Variants in MACROD2 observed in about 807,000 individuals in gnomAD.
MACROD2 encodes the protein ADP-ribose glycohydrolase MACROD2.
Under a neutral mutation model 70.4 loss-of-function variants are expected in MACROD2, and 36 were observed. The ratio of observed to expected loss-of-function variants is 0.51; its 90% CI spans 0.39 to 0.68. The LOEUF is 0.68. MACROD2 is among the 30% of genes least tolerant of loss of function. MACROD2 has a pLI of 0.00. For missense variants in MACROD2, 496 were observed against 538.4 expected, an observed-to-expected ratio of 0.92 and a Z score of 0.78; for synonymous variants, 172 against 178.8, an observed-to-expected ratio of 0.96 and a Z score of 0.30.
chr20:15,912,081 C>T (rs1477692532), intron 10 of MACROD2, among the ~76,000 whole-genome samples: 2 of 152,200 alleles, frequency 1.3e-5, no homozygotes, highest in Admixed American at 6.5e-5. Flanking sequence ...TGTTTCCAAG[C>T]TGTTTTGACA....
At chr20:15,391,463 G>A (rs1431476962) in intron 6 of MACROD2, among the ~76,000 whole-genome samples, 1 of 152,154 alleles carries the variant, frequency 6.6e-6, no homozygotes, top group Non-Finnish European at 1.5e-5. Context: ...ACATAGACCA[G>A]GTCTCCAGTG....
intron 6 of MACROD2, among the ~76,000 whole-genome samples, chr20:15,345,334 T>C (rs1240122329): frequency 6.6e-6 from 1 of 152,230 alleles, no homozygotes; most frequent in Non-Finnish European, 1.5e-5. Context: ...TAGGTTCTTG[T>C]ATTTATCAGT....
intron 5 of MACROD2, among the ~76,000 whole-genome samples, chr20:15,151,334 G>A (rs1248461895): frequency 6.6e-6 from 1 of 152,112 alleles, no homozygotes; most frequent in Non-Finnish European, 1.5e-5. Context: ...ATGCCTGGCT[G>A]CTGCGGTTCA....
At chr20:14,588,784 A>C (rs1981559227) in intron 4 of MACROD2, among the ~76,000 whole-genome samples, 1 of 152,208 alleles carries the variant, frequency 6.6e-6, no homozygotes. Context: ...TATCTACGTT[A>C]CATGATAAAC....
intron 3 of MACROD2, among the ~76,000 whole-genome samples, chr20:14,331,589 G>A (rs551929117): frequency 6.6e-5 from 10 of 152,068 alleles, no homozygotes; most frequent in Non-Finnish European, 1.0e-4. Flanking sequence ...TGAAGATTAC[G>A]TTCAGAGCTA....
chr20:14,134,643 A>G (rs989489681), intron 3 of MACROD2, among the ~76,000 whole-genome samples: 1 of 152,028 alleles, frequency 6.6e-6, no homozygotes, highest in East Asian at 1.9e-4. Context: ...TGTCTCTACT[A>G]AAAATACAAA....
intron 7 of MACROD2, among the ~76,000 whole-genome samples, chr20:15,445,857 T>C (rs6034194): frequency 0.47 from 71,069 of 151,830 alleles, 17,099 homozygotes; most frequent in African/African-American, 0.59. Flanking sequence ...AAGACCAATG[T>C]GTTGTCCAGC....
intron 3 of MACROD2, among the ~76,000 whole-genome samples, chr20:14,380,719 T>C (rs545898569): frequency 6.6e-6 from 1 of 152,258 alleles, no homozygotes; most frequent in East Asian, 1.9e-4. Context: ...TGACCATAGA[T>C]GTGTAGGTTT....
At chr20:15,272,979 A>G (rs2077358783) in intron 6 of MACROD2, among the ~76,000 whole-genome samples, 1 of 152,158 alleles carries the variant, frequency 6.6e-6, no homozygotes. Flanking sequence ...CTTGACCATG[A>G]CATCTCTTAA....
rs559412274 is a variant in MACROD2, at chr20:14,400,784, G to A, written c.272-92695G>A. 4.6e-5 allele frequency among the ~76,000 whole-genome samples: 7 copies of A among 152,196 alleles called. No homozygotes were observed. In the South Asian group the frequency reaches 6.2e-4, roughly 14 times the overall value. On this transcript the variant is annotated intron_variant, in intron 3 of 17. Transcript: ENST00000684519. Reference sequence around the variant, plus strand: ...TATATGTTGTCTTATATTTTTAGATGCTTCAGACTGGAGTGTATATCTGGT... The same window carrying A: ...TATATGTTGTCTTATATTTTTAGATACTTCAGACTGGAGTGTATATCTGGT...
At chr20:15,289,222 A>G (rs1311541245) in intron 6 of MACROD2, among the ~76,000 whole-genome samples, 1 of 152,232 alleles carries the variant, frequency 6.6e-6, no homozygotes, top group African/African-American at 2.4e-5. Flanking sequence ...CTTGGCATTC[A>G]TTCACTCATT....
chr20:14,938,533 C>T (rs56699066), intron 5 of MACROD2, among the ~76,000 whole-genome samples: 4,007 of 152,144 alleles, frequency 0.026, 183 homozygotes, highest in African/African-American at 0.091. Context: ...GTAATTCCAG[C>T]ATTTTGGGAG....
rs1414286315 is a variant in MACROD2, at chr20:14,287,386, G to A, written c.271+201658G>A. Among the ~76,000 whole-genome samples the A allele has an allele frequency of 4.0e-5, 6 of 150,508 alleles. No homozygotes were observed. In the Admixed American group the frequency reaches 4.0e-4, roughly 10 times the overall value. ...TTGGAGGAATCCATGATTAGGAAATGATGATGATGATGATGATGATGATGA... is the reference window on the plus strand; with the variant it reads ...TTGGAGGAATCCATGATTAGGAAATAATGATGATGATGATGATGATGATGA... On this transcript the variant is annotated intron_variant, in intron 3 of 17. Coordinates refer to ENST00000684519, the MANE Select transcript of MACROD2 (RefSeq NM_001351661.2).
At chr20:15,978,582 GTCTCTCTC>G (rs59205516) in intron 13 of MACROD2, among the ~76,000 whole-genome samples, 140 of 146,256 alleles carry the variant, frequency 9.6e-4, no homozygotes, top group South Asian at 1.8e-3. Flanking sequence ...CTGACCTTGG[GTCTCTCTC>G]TCTCTCTCTC....
chr20:15,499,567 A>C (rs2047339535), intron 7 of MACROD2, among the ~76,000 whole-genome samples: 1 of 152,286 alleles, frequency 6.6e-6, no homozygotes, highest in East Asian at 1.9e-4. Context: ...TTTGTTTTTT[A>C]AACTCTGTAC....
intron 3 of MACROD2, among the ~76,000 whole-genome samples, chr20:14,309,168 A>G (rs1228455211): frequency 6.6e-6 from 1 of 152,132 alleles, no homozygotes; most frequent in Non-Finnish European, 1.5e-5. Context: ...TATTTCTTAC[A>G]TTATTTTTTA....
chr20:14,970,297 G>A (rs766534617), intron 5 of MACROD2, among the ~76,000 whole-genome samples: 25 of 152,120 alleles, frequency 1.6e-4, no homozygotes, highest in Admixed American at 9.8e-4. Flanking sequence ...TGGGAACACA[G>A]TCAAACTATA....
chr20:14,331,858 A>G (rs373247686), intron 3 of MACROD2, among the ~76,000 whole-genome samples: 8 of 152,124 alleles, frequency 5.3e-5, no homozygotes, highest in African/African-American at 1.4e-4. Flanking sequence ...GATGAAAAGA[A>G]AAATGACCCC....
chr20:14,086,823 G>A (rs1201983403), intron 3 of MACROD2, among the ~76,000 whole-genome samples: 1 of 152,188 alleles, frequency 6.6e-6, no homozygotes, highest in Non-Finnish European at 1.5e-5. Context: ...GTGGTCATCT[G>A]TCAGTTTTAT....
Sources: gnomAD v4.1 joint callset for allele counts (sites outside exome capture counted in the v4.1 genomes callset) on GRCh38, gnomAD v4.1.1 for gene constraint, MANE v1.5 for transcripts, NCBI Gene and HGNC (gene_info 2026-07-23, HGNC 2026-07-21) for gene names.